Variants in HS6ST2 observed in about 807,000 individuals in gnomAD.
HS6ST2 encodes heparan sulfate 6-O-sulfotransferase 2, also known as heparan-sulfate 6-O-sulfotransferase 2.
In HS6ST2, 17 loss-of-function variants were observed where a neutral mutation model predicts 33.0. The observed-to-expected ratio is 0.52, with a 90% confidence interval of 0.35 to 0.77. HS6ST2 has a LOEUF of 0.77. Among genes scored for constraint, HS6ST2 ranks in the 30% least tolerant of loss-of-function variants. HS6ST2 has a pLI of 0.01. For missense variants in HS6ST2, 519 were observed against 551.7 expected, an observed-to-expected ratio of 0.94 and a Z score of 0.59; for synonymous variants, 248 against 237.1, an observed-to-expected ratio of 1.05 and a Z score of -0.42.
chrX:132,649,656 G>A (rs1184674409), intron 4 of HS6ST2, among the ~76,000 whole-genome samples: 3 of 111,481 alleles, frequency 2.7e-5, no homozygotes, highest in East Asian at 2.8e-4. Context: ...TCAGGAGTTC[G>A]AGACCAGCCT....
At chrX:132,642,238 C>T (rs1210394011) in intron 4 of HS6ST2, among the ~76,000 whole-genome samples, 2 of 111,583 alleles carry the variant, frequency 1.8e-5, no homozygotes, top group Non-Finnish European at 3.8e-5. Flanking sequence ...GGCAGGTACC[C>T]TAACTGTGCT....
chrX:132,661,305 A>G (rs1187855883), intron 4 of HS6ST2, among the ~76,000 whole-genome samples: 5 of 109,622 alleles, frequency 4.6e-5, no homozygotes, highest in African/African-American at 1.7e-4. Flanking sequence ...ATGAATATCC[A>G]GTGGAATCTA....
intron 3 of HS6ST2, among the ~76,000 whole-genome samples, chrX:132,705,287 C>T (rs1412930195): frequency 9.1e-6 from 1 of 110,078 alleles, no homozygotes; most frequent in East Asian, 2.9e-4. Context: ...AGATTATGAA[C>T]CCTTTCAAGC....
At position 132,801,295 on chromosome X, in the gene HS6ST2, CA is replaced by C. The variant is rs201463158; in HGVS notation, c.948-92802del. On this transcript the variant is annotated intron_variant, in intron 2 of 4. Transcript: ENST00000370833. ...TGGGTGACAAAGCAAGACTCTGTCTCAAAAAAAAAAAATTCTATAGTTATAA... is the reference window on the plus strand; with the variant it reads ...TGGGTGACAAAGCAAGACTCTGTCTCAAAAAAAAAAATTCTATAGTTATAA... Among the ~76,000 whole-genome samples, 193 of 103,398 alleles carry C rather than the reference CA, an allele frequency of 1.9e-3. 1 individual carries two copies. Among genetic ancestry groups the C allele is most frequent in the Admixed American group, 8.9e-3 (85 of 9,586 alleles). 89.8% of individuals were successfully genotyped at this position (103,398 alleles called of 115,157 possible). A position where few individuals can be genotyped will look rare whatever the true frequency, so the allele number is the denominator to read the frequency against.
intron 2 of HS6ST2, among the ~76,000 whole-genome samples, chrX:132,808,157 A>T (rs2065303283): frequency 9.0e-6 from 1 of 111,590 alleles, no homozygotes; most frequent in East Asian, 2.8e-4. Flanking sequence ...AATAAGACAC[A>T]GGATGAATAA....
chrX:132,855,742 A>T (rs1356956370), intron 2 of HS6ST2, among the ~76,000 whole-genome samples: 7 of 111,858 alleles, frequency 6.3e-5, no homozygotes, highest in Non-Finnish European at 1.1e-4. Context: ...AAATCTTGGG[A>T]CCACCTCAGT....
intron 2 of HS6ST2, among the ~76,000 whole-genome samples, chrX:132,768,651 C>T (rs2064871324): frequency 8.9e-6 from 1 of 112,239 alleles, no homozygotes; most frequent in South Asian, 3.7e-4. Context: ...AATTCTTCCA[C>T]TGGAGTGTAG....
chrX:132,726,727 T>A (rs1368325071), intron 2 of HS6ST2, among the ~76,000 whole-genome samples: 1 of 112,004 alleles, frequency 8.9e-6, no homozygotes, highest in Non-Finnish European at 1.9e-5. Flanking sequence ...GATTTTCCTA[T>A]TCTGGACATT....
At chrX:132,717,076 A>G (rs1481076473) in intron 2 of HS6ST2, among the ~76,000 whole-genome samples, 1 of 113,174 alleles carries the variant, frequency 8.8e-6, no homozygotes, top group African/African-American at 3.2e-5. Context: ...TAGTGCTAAA[A>G]TAAGGATCAA....
chrX:132,891,386 T>A (rs991825052), intron 2 of HS6ST2, among the ~76,000 whole-genome samples: 40 of 109,449 alleles, frequency 3.7e-4, no homozygotes, highest in African/African-American at 6.3e-4. Flanking sequence ...TTTTATTTTT[T>A]TTTTTATTAT....
intron 2 of HS6ST2, among the ~76,000 whole-genome samples, chrX:132,736,280 C>A (rs2064510151): frequency 8.9e-6 from 1 of 111,751 alleles, no homozygotes; most frequent in South Asian, 3.8e-4. Flanking sequence ...CCAAGTTTGA[C>A]TGATTTAATC....
intron 2 of HS6ST2, among the ~76,000 whole-genome samples, chrX:132,844,062 G>A (rs1044640199): frequency 4.5e-5 from 5 of 111,837 alleles, no homozygotes; most frequent in South Asian, 3.8e-4. Flanking sequence ...TCCTACATTC[G>A]CTTTTATAGG....
chrX:132,762,863 A>G (rs893469512), intron 2 of HS6ST2, among the ~76,000 whole-genome samples: 1 of 111,276 alleles, frequency 9.0e-6, no homozygotes, highest in African/African-American at 3.3e-5. Context: ...ACAGAGCATC[A>G]TGGTTAAGAA....
intron 4 of HS6ST2, among the ~76,000 whole-genome samples, chrX:132,634,335 C>T (rs2148598768): frequency 8.9e-6 from 1 of 111,989 alleles, no homozygotes; most frequent in Non-Finnish European, 1.9e-5. Context: ...TGAATGAGGC[C>T]AGTTCAGCCC....
chrX:132,755,505 T>G (rs1181288620), intron 2 of HS6ST2, among the ~76,000 whole-genome samples: 1 of 29,446 alleles, frequency 3.4e-5, no homozygotes, highest in Non-Finnish European at 6.9e-5. Context: ...AAGGCAATGG[T>G]TTTTTTTTTT....
intron 2 of HS6ST2, among the ~76,000 whole-genome samples, chrX:132,800,581 T>A: frequency 9.0e-6 from 1 of 110,841 alleles, no homozygotes; most frequent in Non-Finnish European, 1.9e-5. Flanking sequence ...GTAGAGCACC[T>A]CACTCCCACC....
intron 2 of HS6ST2, among the ~76,000 whole-genome samples, chrX:132,787,960 A>G (rs976055416): frequency 1.8e-5 from 2 of 111,208 alleles, no homozygotes; most frequent in African/African-American, 6.5e-5. Flanking sequence ...TCATTCATTC[A>G]TCCCTTTGGT....
At chrX:132,866,488 T>G (rs1239218395) in intron 2 of HS6ST2, among the ~76,000 whole-genome samples, 5 of 85,688 alleles carry the variant, frequency 5.8e-5, no homozygotes, top group African/African-American at 1.8e-4. Flanking sequence ...ATATGAACTT[T>G]AAAGTAGTTT....
chrX:132,632,700 T>A (rs1472375158), intron 4 of HS6ST2, among the ~76,000 whole-genome samples: 6 of 108,039 alleles, frequency 5.6e-5, no homozygotes, highest in Non-Finnish European at 1.2e-4. Flanking sequence ...AGGGTATGAT[T>A]AAAAAAAAAC....
Sources: gnomAD v4.1 joint callset for allele counts (sites outside exome capture counted in the v4.1 genomes callset) on GRCh38, gnomAD v4.1.1 for gene constraint, MANE v1.5 for transcripts, NCBI Gene and HGNC (gene_info 2026-07-23, HGNC 2026-07-21) for gene names.